FAM178B: variants seen among roughly 807,000 people sequenced by gnomAD.
FAM178B encodes family with sequence similarity 178 member B, also known as protein FAM178B.
In FAM178B, 82 loss-of-function variants were observed where a neutral mutation model predicts 91.7. The observed-to-expected ratio is 0.89, with a 90% CI of 0.75 to 1.07. The LOEUF (loss-of-function observed/expected upper bound fraction) is 1.07. Ranked by LOEUF, FAM178B falls within the 50% of genes least tolerant of loss-of-function variation. The pLI is 0.00. For missense variants in FAM178B, 769 were observed against 846.7 expected (o/e 0.91, Z 1.14); for synonymous variants, 368 against 359.4 (o/e 1.02, Z -0.27).
At chr2:96,893,847 G>A in intron 14 of FAM178B, 79 bp downstream of exon 14, 1 of 1,505,308 alleles carries the variant, frequency 6.6e-7, no homozygotes, top group South Asian at 1.3e-5. Context: ...GCCATGCAAT[G>A]TGGACAGCCC....
chr2:96,967,592 A>T lies in FAM178B; in HGVS notation c.662T>A (p.Leu221His). Reference protein sequence around the residue: ...QALEQERERLLLQECLNLNSL... With the variant: ...QALEQERERLHLQECLNLNSL... ...GTTGAGATTGAGACACTCCTGCAGA[A>T]GCAGCCTCTCTCGCTCCTGCTCCAG... is the stretch of plus-strand genomic sequence containing the variant. The change falls in exon 5 of 17, where the codon CTT (leucine) becomes CAT (histidine). Residue 221 changes from leucine to histidine, a missense_variant. Coordinates refer to ENST00000490605, the MANE Select transcript of FAM178B (RefSeq NM_001122646.3). 1 of 1,550,612 alleles carries T rather than the reference A, an allele frequency of 6.4e-7. No homozygotes were observed. Among genetic ancestry groups the T allele is most frequent in the Non-Finnish European group, 8.7e-7 (1 of 1,146,936 alleles).
intron 2 of FAM178B, 65 bp from the exon 3 acceptor site, chr2:96,972,387 C>T: frequency 6.8e-7 from 1 of 1,471,390 alleles, no homozygotes; most frequent in Admixed American, 2.4e-5. Context: ...CGTCAAGCCA[C>T]ACTGGGTAAG....
chr2:96,923,840 T>C (rs113458376), intron 9 of FAM178B, among the ~76,000 whole-genome samples: 2,559 of 152,314 alleles, frequency 0.017, 68 homozygotes, highest in African/African-American at 0.059. Context: ...GCCTACAGGC[T>C]GGAGGGCCTG....
chr2:96,986,564 G>A lies in FAM178B; in HGVS notation c.-251C>T, dbSNP rs751173009. On this transcript the variant is annotated 5_prime_UTR_variant, in exon 1 of 17. Transcript: ENST00000490605. The stretch of plus-strand genomic sequence containing the variant: ...AGCCGCCGCCGCCGCCAGCTGGGGA[G>A]CTCGCCGGCCAAGTGCGCACCCTCT... 7 of 500,346 alleles carry A rather than the reference G, an allele frequency of 1.4e-5. No homozygotes were observed. The highest frequency in any genetic ancestry group is 2.0e-5 in the African/African-American group (1 of 50,162). 31.0% of individuals were successfully genotyped at this position (500,346 alleles called of 1,614,324 possible). A position where few individuals can be genotyped will look rare whatever the true frequency, so the allele number is the denominator to read the frequency against.
intron 8 of FAM178B, among the ~76,000 whole-genome samples, chr2:96,941,901 A>G (rs900361226): frequency 3.9e-5 from 6 of 152,206 alleles, no homozygotes; most frequent in African/African-American, 1.2e-4. Context: ...CAGCTAAAAC[A>G]TTTTTGTTAA....
At chr2:96,924,245 G>A (rs1006006797) in intron 9 of FAM178B, among the ~76,000 whole-genome samples, 6 of 152,204 alleles carry the variant, frequency 3.9e-5, no homozygotes, top group Admixed American at 1.3e-4. Context: ...CCCTGGGTCC[G>A]TTCGACAAGG....
chr2:96,884,903 G>A (rs1343872534), intron 14 of FAM178B, among the ~76,000 whole-genome samples: 1 of 152,248 alleles, frequency 6.6e-6, no homozygotes, highest in Non-Finnish European at 1.5e-5. Context: ...GCCCTAGTGA[G>A]GAAGAAATGA....
chr2:96,980,685 G>A (rs1260705421), intron 1 of FAM178B, among the ~76,000 whole-genome samples: 1 of 152,192 alleles, frequency 6.6e-6, no homozygotes, highest in Non-Finnish European at 1.5e-5. Context: ...CTACAGGCAT[G>A]AGCAACCGAG....
intron 14 of FAM178B, among the ~76,000 whole-genome samples, chr2:96,885,545 G>C (rs1044638068): frequency 6.6e-6 from 1 of 152,244 alleles, no homozygotes; most frequent in Non-Finnish European, 1.5e-5. Context: ...GGAAGGCTGA[G>C]AGCTCCAGAT....
intron 14 of FAM178B, among the ~76,000 whole-genome samples, chr2:96,884,715 G>A (rs1399214133): frequency 1.3e-5 from 2 of 152,204 alleles, no homozygotes; most frequent in East Asian, 1.9e-4. Context: ...CCTGCCCCAT[G>A]AGCAAACCGC....
At chr2:96,959,346 A>G (rs939658970) in intron 6 of FAM178B, among the ~76,000 whole-genome samples, 6 of 152,104 alleles carry the variant, frequency 3.9e-5, no homozygotes, top group African/African-American at 1.4e-4. Context: ...GGTTCTCTAT[A>G]CTTTGATATG....
chr2:96,899,575 GA>G (rs1002494007), intron 13 of FAM178B, among the ~76,000 whole-genome samples: 6 of 145,526 alleles, frequency 4.1e-5, no homozygotes, highest in Admixed American at 2.1e-4. Context: ...AAAAAAAAAA[GA>G]AAAAAAAAAG....
chr2:96,945,688 A>G (rs1191969860), intron 8 of FAM178B, among the ~76,000 whole-genome samples: 3 of 152,120 alleles, frequency 2.0e-5, no homozygotes, highest in African/African-American at 7.2e-5. Flanking sequence ...TGAGGAAATG[A>G]CTTCCTTCTG....
At position 96,904,764 on chromosome 2, in the gene FAM178B, G is replaced by A. The variant is rs2081000094; in HGVS notation, c.1563-2057C>T. ...ACAGTACTCCACGCCTGCAGTCCCT[G>A]CTACTCAGGATGTTGAGGTGGGAGG... On this transcript the variant is annotated intron_variant, in intron 12 of 16. Transcript: ENST00000490605. Among the ~76,000 whole-genome samples the A allele has an allele frequency of 7.2e-5, 11 of 152,076 alleles. 1 individual carries two copies. In the South Asian group the frequency reaches 2.3e-3, roughly 32 times the overall value.
In FAM178B at chr2:96,894,049, C is replaced by T. The variant is rs767505166; in HGVS notation, c.1653G>A (p.Leu551=). 1.3e-5 allele frequency: 21 copies of T among 1,607,870 alleles called. 1 individual carries two copies. In the South Asian group the frequency reaches 2.2e-4, roughly 17 times the overall value. Reference sequence around the variant, plus strand: ...GGCCCAGGAGCCGGCTGAGCGAGGACAGCTGGGGAGGAGAAGGGAGGCTGT... The same window carrying T: ...GGCCCAGGAGCCGGCTGAGCGAGGATAGCTGGGGAGGAGAAGGGAGGCTGT... ...MLPLWQEKTQ[L]SSLSRLLGLM... Residue 551 remains leucine, a splice_region_variant and synonymous_variant, in exon 14 of 17, where the codon CTG becomes CTA. Coordinates refer to ENST00000490605, the MANE Select transcript of FAM178B (RefSeq NM_001122646.3).
At chr2:96,887,084 G>A (rs1250360713) in intron 14 of FAM178B, among the ~76,000 whole-genome samples, 1 of 152,098 alleles carries the variant, frequency 6.6e-6, no homozygotes, top group Non-Finnish European at 1.5e-5. Context: ...GCGTGGTGGT[G>A]GGCGCCTGTA....
At chr2:96,876,492 G>T (rs775666545) in intron 16 of FAM178B, among the ~76,000 whole-genome samples, 184 bp from the exon 17 acceptor site, 4 of 152,208 alleles carry the variant, frequency 2.6e-5, no homozygotes, top group Non-Finnish European at 5.9e-5. Flanking sequence ...CTACGTGACC[G>T]TATAAGTGGT....
At chr2:96,913,268 A>G (rs1171854715) in intron 12 of FAM178B, among the ~76,000 whole-genome samples, 1 of 152,152 alleles carries the variant, frequency 6.6e-6, no homozygotes, top group Non-Finnish European at 1.5e-5. Flanking sequence ...GGAGTCTGCT[A>G]AGGTCCCCAG....
intron 12 of FAM178B, among the ~76,000 whole-genome samples, chr2:96,920,517 G>A (rs532974001): frequency 6.3e-4 from 96 of 152,094 alleles, no homozygotes; most frequent in Non-Finnish European, 9.0e-4. Flanking sequence ...GGAGTATGGC[G>A]TGAACCCAGA....
Sources: allele counts gnomAD v4.1 joint callset (sites outside exome capture counted in the v4.1 genomes callset), GRCh38; gene constraint gnomAD v4.1.1; transcripts MANE v1.5; gene names NCBI Gene and HGNC (gene_info 2026-07-23, HGNC 2026-07-21).